The following HYAL4 variants were observed in gnomAD, a reference collection of about 807,000 sequenced individuals.
HYAL4 encodes hyaluronidase-4.
In HYAL4, 37 loss-of-function variants were observed where a neutral mutation model predicts 35.2. The ratio of observed to expected loss-of-function variants is 1.05; its 90% confidence interval spans 0.81 to 1.38. The LOEUF (loss-of-function observed/expected upper bound fraction) is 1.38. Among genes scored for constraint, HYAL4 ranks in the 40% most tolerant of loss-of-function variants. HYAL4 has a pLI of 0.00. For missense variants in HYAL4, 572 were observed against 572.4 expected, an observed-to-expected ratio of 1.00 and a Z score of 0.01; for synonymous variants, 198 against 203.2, an observed-to-expected ratio of 0.97 and a Z score of 0.22.
At chr7:123,791,590 TCCACAGGGATAG>T in the HYAL4 span, among the ~76,000 whole-genome samples, 1 of 152,202 alleles carries the variant, frequency 6.6e-6, no homozygotes, top group African/African-American at 2.4e-5. Context: ...TGGTTCTTGG[TCCACAGGGATAG>T]CCATTTACCC....
the HYAL4 span, among the ~76,000 whole-genome samples, chr7:123,815,653 A>C: frequency 6.6e-6 from 1 of 152,316 alleles, no homozygotes; most frequent in South Asian, 2.1e-4. Context: ...TTTAGAAGAT[A>C]ATAAGTTTGA....
At chr7:123,867,373 A>G (rs1315685840) in intron 2 of HYAL4, among the ~76,000 whole-genome samples, 1 of 152,206 alleles carries the variant, frequency 6.6e-6, no homozygotes, top group Non-Finnish European at 1.5e-5. Flanking sequence ...GTCAACAGGC[A>G]AGTGGTCAGT....
chr7:123,864,478 A>C (rs529517057), intron 2 of HYAL4, among the ~76,000 whole-genome samples: 28 of 152,262 alleles, frequency 1.8e-4, no homozygotes, highest in Admixed American at 6.5e-4. Context: ...TTACAGGAGC[A>C]CATTTGCCTA....
chr7:123,786,929 A>G, the HYAL4 span, among the ~76,000 whole-genome samples: 11 of 151,740 alleles, frequency 7.2e-5, no homozygotes, highest in Non-Finnish European at 1.6e-4. Flanking sequence ...CTTACGTGGC[A>G]AAAACCCGTC....
At chr7:123,800,498 A>T in the HYAL4 span, among the ~76,000 whole-genome samples, 7 of 149,254 alleles carry the variant, frequency 4.7e-5, no homozygotes, top group South Asian at 2.1e-4. Context: ...AAAAAAAATT[A>T]AAAAAAAAGA....
Position 123,845,633 on chromosome 7 carries a change from G to A in HYAL4, c.-174G>A, listed in dbSNP as rs547923470. The A allele has an allele frequency of 6.6e-6, 1 of 152,102 alleles. No homozygotes were observed. The highest frequency in any genetic ancestry group is 6.5e-5 in the Admixed American group (1 of 15,278). 9.4% of individuals were successfully genotyped at this position (152,102 alleles called of 1,614,324 possible). On this transcript the variant is annotated 5_prime_UTR_variant, in exon 1 of 5. Transcript: ENST00000223026. ...TGTTTAGCTTAATAACTGACCTTCT[G>A]AATTCTTTTTTAGGAAAATCAGGAA...
chr7:123,802,595 A>AT, the HYAL4 span, among the ~76,000 whole-genome samples: 2,409 of 148,430 alleles, frequency 0.016, 64 homozygotes, highest in African/African-American at 0.053. Flanking sequence ...CAAGTTGGGA[A>AT]TTTTTTTTTT....
At chr7:123,857,733 C>A (rs34843457) in intron 2 of HYAL4, among the ~76,000 whole-genome samples, 19,092 of 144,232 alleles carry the variant, frequency 0.13, 1,392 homozygotes, top group Non-Finnish European at 0.14. Context: ...TTCTTTCTTT[C>A]AATAGAAACA....
intron 2 of HYAL4, among the ~76,000 whole-genome samples, chr7:123,856,671 C>T (rs369885399): frequency 1.3e-5 from 2 of 152,152 alleles, no homozygotes; most frequent in African/African-American, 4.8e-5. Flanking sequence ...GTGAGGGACC[C>T]ATTCGAGGAG....
chr7:123,793,239 C>A, the HYAL4 span, among the ~76,000 whole-genome samples: 1 of 152,204 alleles, frequency 6.6e-6, no homozygotes, highest in Non-Finnish European at 1.5e-5. Context: ...CTTAAAGCAA[C>A]TAGTGCTTGC....
the HYAL4 span, among the ~76,000 whole-genome samples, chr7:123,788,591 G>A: frequency 6.6e-6 from 1 of 152,158 alleles, no homozygotes; most frequent in African/African-American, 2.4e-5. Flanking sequence ...ATATTGTGAA[G>A]TTACTAAAGT....
the HYAL4 span, among the ~76,000 whole-genome samples, chr7:123,821,793 G>C: frequency 1.3e-5 from 2 of 152,130 alleles, no homozygotes; most frequent in African/African-American, 4.8e-5. Context: ...TGTTAAATAA[G>C]TCTTTAGTCC....
At chr7:123,825,506 G>C (rs1388788911), upstream of HYAL4, among the ~76,000 whole-genome samples, 3 of 152,102 alleles carry the variant, frequency 2.0e-5, no homozygotes, top group Non-Finnish European at 2.9e-5. Flanking sequence ...TAAAGAATCT[G>C]GCTTTTCCCA....
At chr7:123,808,898 A>G in the HYAL4 span, among the ~76,000 whole-genome samples, 11 of 152,304 alleles carry the variant, frequency 7.2e-5, no homozygotes, top group Middle Eastern at 3.4e-3. Flanking sequence ...TAATAAAGGC[A>G]CTAATCACAT....
chr7:123,841,740 G>T (rs1299288127), upstream of HYAL4, among the ~76,000 whole-genome samples: 2 of 151,944 alleles, frequency 1.3e-5, no homozygotes, highest in East Asian at 3.9e-4. Context: ...ATATGTCCAG[G>T]AATTTATCCA....
Position 123,869,002 on chromosome 7 carries a change from G to C in HYAL4, c.729G>C (p.Leu243Phe), listed in dbSNP as rs1297456930. ...YSGSCPEDEV[L>F]RNNELSWLWN... is the part of the protein sequence containing the mutation. The stretch of plus-strand genomic sequence containing the variant: ...GGTCATGCCCAGAAGACGAAGTCTT[G>C]AGGAACAATGAGCTCTCTTGGCTCT... The change falls in exon 3 of 5, where the codon TTG (leucine) becomes TTC (phenylalanine). Residue 243 changes from leucine (L) to phenylalanine (F), a missense_variant. Leu to Phe is a conservative substitution (Grantham distance 22). Transcript: ENST00000223026. 6 of 1,613,974 alleles carry C rather than the reference G, an allele frequency of 3.7e-6. No homozygotes were observed. The highest frequency in any genetic ancestry group is 1.1e-5 in the South Asian group (1 of 91,068).
the HYAL4 span, among the ~76,000 whole-genome samples, chr7:123,812,948 C>T: frequency 6.6e-6 from 1 of 152,026 alleles, no homozygotes; most frequent in African/African-American, 2.4e-5. Context: ...GCAATTGTCT[C>T]AATAATATCC....
the HYAL4 span, among the ~76,000 whole-genome samples, chr7:123,778,575 A>T: frequency 6.6e-6 from 1 of 151,140 alleles, no homozygotes; most frequent in Admixed American, 6.6e-5. Context: ...ATGTCTTTTG[A>T]TGTGAGTTTC....
At chr7:123,836,786 T>C (rs561689020) in intron 1 of HYAL4, among the ~76,000 whole-genome samples, 3 of 152,292 alleles carry the variant, frequency 2.0e-5, no homozygotes, top group African/African-American at 7.2e-5. Context: ...CCCAGCACCC[T>C]GGGAGGCCAA....
Sources: gnomAD v4.1 joint callset for allele counts (sites outside exome capture counted in the v4.1 genomes callset) on GRCh38, gnomAD v4.1.1 for gene constraint, MANE v1.5 for transcripts, NCBI Gene and HGNC (gene_info 2026-07-23, HGNC 2026-07-21) for gene names.